Variants in ULK4 observed in about 807,000 individuals in gnomAD.
ULK4 encodes the protein inactive serine/threonine-protein kinase ULK4.
Under a neutral mutation model 160.6 loss-of-function variants are expected in ULK4, and 133 were observed. That is an observed-to-expected ratio of 0.83 (90% CI 0.72 to 0.96). The LOEUF is 0.96. Among genes scored for constraint, ULK4 ranks in the 40% least tolerant of loss-of-function variants. ULK4 has a pLI of 0.00. For synonymous variants in ULK4, 534 were observed against 539.8 expected (o/e 0.99, Z 0.15); for missense variants, 1,580 against 1,499.5 (o/e 1.05, Z -0.89).
At position 41,733,725 on chromosome 3, in the gene ULK4, A is replaced by ATTTTTTTTTTT. The variant is rs778572755; in HGVS notation, c.2322-15875_2322-15865dup. On this transcript the variant is annotated intron_variant, in intron 22 of 36. Transcript: ENST00000301831. ...TGCCTTGAATTCAACTAAACACATGATTTTTTTTTTTTTTTTTTTTTTTTT... is the reference window on the plus strand; with the variant it reads ...TGCCTTGAATTCAACTAAACACATGATTTTTTTTTTTTTTTTTTTTTTTTTTTTTTTTTTTT... Among the ~76,000 whole-genome samples the ATTTTTTTTTTT allele has an allele frequency of 5.3e-5, 5 of 93,598 alleles. 2 individuals carry two copies. Among genetic ancestry groups the ATTTTTTTTTTT allele is most frequent in the African/African-American group, 3.1e-4 (5 of 15,970 alleles). 61.4% of individuals were successfully genotyped at this position (93,598 alleles called of 152,430 possible). A position where few individuals can be genotyped will look rare whatever the true frequency, so the allele number is the denominator to read the frequency against.
intron 2 of ULK4, among the ~76,000 whole-genome samples, chr3:41,953,285 C>CACACACATATATATATATATAT (rs374288098): frequency 1.2e-5 from 1 of 85,942 alleles, no homozygotes; most frequent in African/African-American, 3.8e-5. Flanking sequence ...CATATATACA[C>CACACACATATATATATATATAT]ATATATATAT....
intron 30 of ULK4, among the ~76,000 whole-genome samples, chr3:41,620,355 T>C (rs144559453): frequency 2.2e-3 from 333 of 152,198 alleles, no homozygotes; most frequent in African/African-American, 7.6e-3. Flanking sequence ...AACATCAATG[T>C]GAAAATCCTC....
At chr3:41,374,428 G>C (rs894292483) in intron 35 of ULK4, among the ~76,000 whole-genome samples, 1 of 152,144 alleles carries the variant, frequency 6.6e-6, no homozygotes, top group African/African-American at 2.4e-5. Flanking sequence ...ACATCAAAAA[G>C]CTTATTCACC....
intron 34 of ULK4, among the ~76,000 whole-genome samples, chr3:41,448,215 T>C (rs2083347740): frequency 6.6e-6 from 1 of 151,992 alleles, no homozygotes; most frequent in African/African-American, 2.4e-5. Flanking sequence ...TAACAGGAAG[T>C]GTTAGGACTA....
intron 29 of ULK4, among the ~76,000 whole-genome samples, chr3:41,679,451 T>C (rs2035849778): frequency 6.6e-6 from 1 of 152,198 alleles, no homozygotes; most frequent in Non-Finnish European, 1.5e-5. Context: ...CCATATCACA[T>C]CCAAATAAAT....
At chr3:41,885,756 C>T (rs1559628984) in intron 16 of ULK4, among the ~76,000 whole-genome samples, 1 of 151,880 alleles carries the variant, frequency 6.6e-6, no homozygotes, top group Non-Finnish European at 1.5e-5. Context: ...AATCTCCGCT[C>T]ACTGCAATGC....
chr3:41,781,156 T>C (rs1468555042), intron 21 of ULK4, among the ~76,000 whole-genome samples: 2 of 152,208 alleles, frequency 1.3e-5, no homozygotes, highest in East Asian at 3.9e-4. Context: ...TTACCTATAT[T>C]TGCAAACAGA....
At chr3:41,643,994 G>A (rs2034362801) in intron 30 of ULK4, among the ~76,000 whole-genome samples, 1 of 152,084 alleles carries the variant, frequency 6.6e-6, no homozygotes, top group Non-Finnish European at 1.5e-5. Flanking sequence ...CTCTCTGTTT[G>A]TCTGTTATTG....
chr3:41,883,089 C>T (rs1697581985), intron 17 of ULK4, among the ~76,000 whole-genome samples: 1 of 152,134 alleles, frequency 6.6e-6, no homozygotes, highest in African/African-American at 2.4e-5. Flanking sequence ...AAGGGAAATA[C>T]ACTGAAATTA....
At chr3:41,361,679 C>T (rs1472006034) in intron 35 of ULK4, among the ~76,000 whole-genome samples, 4 of 152,110 alleles carry the variant, frequency 2.6e-5, no homozygotes, top group African/African-American at 7.2e-5. Context: ...GTGGTGGTTA[C>T]ACAAGTCTTT....
At position 41,869,562 on chromosome 3, in the gene ULK4, CG is replaced by C. The variant is rs575547322; in HGVS notation, c.1656+14311del. Among the ~76,000 whole-genome samples the C allele has an allele frequency of 9.9e-4, 151 of 152,046 alleles. 1 individual carries two copies. The highest frequency in any genetic ancestry group is 3.4e-3 in the African/African-American group (143 of 41,480). ...GCCACTGCACTCCAGCCTGGGTGAC[CG>C]GGTGAGACTCTGTCCAAAAAAACAC... On this transcript the variant is annotated intron_variant, in intron 17 of 36. Transcript: ENST00000301831.
rs1339190290 is a variant in ULK4, at chr3:41,312,646, AAC to A, written c.3679-63074_3679-63073del. 2.8e-5 allele frequency among the ~76,000 whole-genome samples: 3 copies of A among 108,940 alleles called. No homozygotes were observed. In the East Asian group the frequency reaches 6.7e-4, roughly 25 times the overall value. The allele number at this position is 108,940 out of a possible 152,430, so 71.5% of individuals were successfully genotyped here. A position where few individuals can be genotyped will look rare whatever the true frequency, so the allele number is the denominator to read the frequency against. Reference sequence around the variant, plus strand: ...CTCATCTCTACAGAAAAAAAACAAAAACAAACAAACAAACAAACAAAAAAACA... The same window carrying A: ...CTCATCTCTACAGAAAAAAAACAAAAAAACAAACAAACAAACAAAAAAACA... On this transcript the variant is annotated intron_variant, in intron 35 of 36. Transcript: ENST00000301831.
At chr3:41,498,245 A>G (rs1055674165) in intron 32 of ULK4, among the ~76,000 whole-genome samples, 4 of 152,334 alleles carry the variant, frequency 2.6e-5, no homozygotes, top group South Asian at 4.1e-4. Context: ...CAGTAACAAT[A>G]AAGTATCTAG....
chr3:41,293,873 C>A (rs2079619355), intron 35 of ULK4, among the ~76,000 whole-genome samples: 1 of 152,184 alleles, frequency 6.6e-6, no homozygotes, highest in South Asian at 2.1e-4. Flanking sequence ...GCAAAAGTGA[C>A]ATTTCATCTT....
intron 23 of ULK4, among the ~76,000 whole-genome samples, chr3:41,716,875 C>T (rs1161918098): frequency 6.6e-6 from 1 of 152,022 alleles, no homozygotes; most frequent in Middle Eastern, 3.2e-3. Context: ...ATTTTTCAAA[C>T]CAAAGAAAGT....
intron 22 of ULK4, among the ~76,000 whole-genome samples, chr3:41,749,648 T>A (rs1364276076): frequency 6.6e-6 from 1 of 152,120 alleles, no homozygotes; most frequent in Non-Finnish European, 1.5e-5. Context: ...GATGGGTTTA[T>A]TGAAATGTAA....
At chr3:41,758,891 G>A (rs547164122) in intron 21 of ULK4, among the ~76,000 whole-genome samples, 2 of 151,176 alleles carry the variant, frequency 1.3e-5, no homozygotes, top group African/African-American at 4.9e-5. Flanking sequence ...AAAAAAAAAG[G>A]TGTAATTCAT....
At chr3:41,491,784 GGTTA>G (rs78866843) in intron 32 of ULK4, among the ~76,000 whole-genome samples, 61,359 of 150,394 alleles carry the variant, frequency 0.41, 12,688 homozygotes, top group African/African-American at 0.43. Context: ...ACAATGTGCA[GGTTA>G]GTTACATATG....
intron 22 of ULK4, among the ~76,000 whole-genome samples, chr3:41,721,597 A>G (rs890954449): frequency 1.3e-5 from 2 of 151,032 alleles, no homozygotes; most frequent in Non-Finnish European, 2.9e-5. Flanking sequence ...TCAACTTCTG[A>G]CCTCGTGATC....
Sources: allele counts gnomAD v4.1 joint callset (sites outside exome capture counted in the v4.1 genomes callset), GRCh38; gene constraint gnomAD v4.1.1; transcripts MANE v1.5; gene names NCBI Gene and HGNC (gene_info 2026-07-23, HGNC 2026-07-21).